Variants in HDAC4 observed in about 807,000 individuals in gnomAD.
HDAC4 encodes the protein histone deacetylase A.
HDAC4 carries 16 observed loss-of-function variants against 135.1 expected under a neutral mutation model. That is an observed-to-expected ratio of 0.12 (90% CI 0.08 to 0.18). The LOEUF is 0.18. HDAC4 is among the 10% of genes least tolerant of loss of function. The pLI, the probability that HDAC4 is intolerant of heterozygous loss-of-function variation, is 1.00. For synonymous variants in HDAC4, 685 were observed against 653.4 expected (o/e 1.05, Z -0.74); for missense variants, 1,143 against 1,511.8 (o/e 0.76, Z 4.05).
intron 1 of HDAC4, among the ~76,000 whole-genome samples, chr2:239,360,321 G>C (rs1305852510): frequency 1.3e-5 from 2 of 152,188 alleles, no homozygotes; most frequent in South Asian, 2.1e-4. Flanking sequence ...AGCCGCAAGG[G>C]GACCCGGAGA....
chr2:239,208,083 G>A (rs560749490), intron 3 of HDAC4, among the ~76,000 whole-genome samples: 1 of 151,950 alleles, frequency 6.6e-6, no homozygotes, highest in Non-Finnish European at 1.5e-5. Context: ...AGCACTTTGG[G>A]AGGCTGAGAC....
intron 2 of HDAC4, among the ~76,000 whole-genome samples, chr2:239,294,435 G>GA (rs1045509406): frequency 4.6e-5 from 7 of 151,720 alleles, no homozygotes; most frequent in African/African-American, 7.3e-5. Flanking sequence ...GGGCAGAGAT[G>GA]AAAAAAAAGA....
chr2:239,055,390 A>G (rs997692374), intron 24 of HDAC4: 3 of 178,356 alleles, frequency 1.7e-5, no homozygotes, highest in African/African-American at 7.2e-5. Flanking sequence ...ATGACAGGGC[A>G]ACAGGGCAAA....
chr2:239,111,566 C>A lies in HDAC4; in HGVS notation c.1938G>T (p.Val646=). ...GCTTGGTGGGGGGCTCCTGCACAGA[C>A]ACGGGGAAGGTGGCAGACGCGGGTG... ...QSSPASATFP[V]SVQEPPTKPR... The change falls in exon 14 of 27, where the codon GTG becomes GTT. Residue 646 remains valine (V), a synonymous_variant. Transcript: ENST00000543185. The A allele has an allele frequency of 6.2e-7, 1 of 1,612,458 alleles. No individual in the cohort carries two copies. The highest frequency in any genetic ancestry group is 8.5e-7 in the Non-Finnish European group (1 of 1,179,778).
rs752838010 is a variant in HDAC4, at chr2:239,309,438, A to C, written c.22+43240T>G. On this transcript the variant is annotated intron_variant, in intron 2 of 26. Coordinates refer to ENST00000543185, the MANE Select transcript of HDAC4 (RefSeq NM_001378414.1). The surrounding 1 kb of genome is among the most constrained non-coding windows in gnomAD (Gnocchi z 4.2). The stretch of plus-strand genomic sequence containing the variant: ...AGCACCTACAGCAAATGCCCAAGGA[A>C]GCAAGAAGCGGGACCCCGCCTTCTC... 6.6e-6 allele frequency among the ~76,000 whole-genome samples: 1 copy of C among 152,234 alleles called. No homozygotes were observed. Among genetic ancestry groups the C allele is most frequent in the Non-Finnish European group, 1.5e-5 (1 of 68,042 alleles).
intron 12 of HDAC4, among the ~76,000 whole-genome samples, chr2:239,125,356 C>G (rs1422641407): frequency 1.3e-5 from 2 of 152,208 alleles, no homozygotes; most frequent in Non-Finnish European, 2.9e-5. Context: ...TGCCCGCTCC[C>G]CCTTCGCCTA....
intron 3 of HDAC4, among the ~76,000 whole-genome samples, chr2:239,235,506 C>T (rs1287528882): frequency 6.6e-6 from 1 of 152,248 alleles, no homozygotes. Flanking sequence ...GGACGCAGTC[C>T]CTGCAAGGCC....
At chr2:239,062,352 C>T (rs1029606944) in intron 24 of HDAC4, among the ~76,000 whole-genome samples, 2 of 152,234 alleles carry the variant, frequency 1.3e-5, no homozygotes, top group Admixed American at 6.5e-5. Context: ...CTGGCGGCCC[C>T]GCCTGTGTGT....
intron 2 of HDAC4, among the ~76,000 whole-genome samples, chr2:239,246,283 T>C (rs965521301): frequency 6.6e-6 from 1 of 151,954 alleles, no homozygotes; most frequent in African/African-American, 2.4e-5. Flanking sequence ...CCAGGGAAAA[T>C]GTGGCAGTGG....
At chr2:239,122,261 T>C (rs2039759521) in intron 12 of HDAC4, among the ~76,000 whole-genome samples, 1 of 152,110 alleles carries the variant, frequency 6.6e-6, no homozygotes. Flanking sequence ...CCAGAAACCA[T>C]GGGAAGAACC....
chr2:239,048,600 A>G lies in HDAC4; in HGVS notation c.*4497T>C, dbSNP rs1202827286. The G allele has an allele frequency of 1.8e-5, 2 of 109,578 alleles. No individual in the cohort carries two copies. Among genetic ancestry groups the G allele is most frequent in the Non-Finnish European group, 4.2e-5 (2 of 47,832 alleles). 6.8% of individuals were successfully genotyped at this position (109,578 alleles called of 1,614,324 possible). A position where few individuals can be genotyped will look rare whatever the true frequency, so the allele number is the denominator to read the frequency against. On this transcript the variant is annotated 3_prime_UTR_variant, in exon 27 of 27. Coordinates refer to ENST00000543185, the MANE Select transcript of HDAC4 (RefSeq NM_001378414.1). ...AGATAGATAGATAGATAGATTATAT[A>G]TGTTTGTCATTCTCATCAATTGGAA...
chr2:239,148,980 T>C (rs1306423087), intron 7 of HDAC4, among the ~76,000 whole-genome samples: 1 of 152,230 alleles, frequency 6.6e-6, no homozygotes, highest in Non-Finnish European at 1.5e-5. Flanking sequence ...TGGACTCTGG[T>C]TCTGCTGTGA....
chr2:239,264,087 G>T (rs2049558538), intron 2 of HDAC4, among the ~76,000 whole-genome samples: 1 of 152,200 alleles, frequency 6.6e-6, no homozygotes, highest in Non-Finnish European at 1.5e-5. Flanking sequence ...CTGGAAAGGA[G>T]GGGGCTGACT....
intron 24 of HDAC4, among the ~76,000 whole-genome samples, chr2:239,059,118 A>G (rs552225753): frequency 6.6e-6 from 1 of 152,364 alleles, no homozygotes; most frequent in East Asian, 1.9e-4. Flanking sequence ...AAGAAATCAT[A>G]ACAGACATCA....
intron 2 of HDAC4, among the ~76,000 whole-genome samples, chr2:239,282,696 A>C (rs1238828794): frequency 1.4e-5 from 2 of 141,312 alleles, no homozygotes; most frequent in East Asian, 4.0e-4. Flanking sequence ...TACAATGTAC[A>C]CACCACTCTG....
intron 3 of HDAC4, among the ~76,000 whole-genome samples, chr2:239,203,627 T>TGTGGTGACTGCC (rs754773579): frequency 1.3e-5 from 2 of 151,910 alleles, no homozygotes; most frequent in Non-Finnish European, 2.9e-5. Flanking sequence ...AAAAGGAGGG[T>TGTGGTGACTGCC]GTGGTGACTG....
chr2:239,296,655 A>AAT (rs2051911968), intron 2 of HDAC4, among the ~76,000 whole-genome samples: 1 of 152,126 alleles, frequency 6.6e-6, no homozygotes, highest in Non-Finnish European at 1.5e-5. Context: ...TAAGTCACTA[A>AAT]ATAACAAACC....
chr2:239,221,410 G>A (rs1242316327), intron 3 of HDAC4, among the ~76,000 whole-genome samples: 1 of 152,150 alleles, frequency 6.6e-6, no homozygotes, highest in Non-Finnish European at 1.5e-5. Context: ...TACCCCACAG[G>A]GACTACTGAA....
At position 239,156,762 on chromosome 2, in the gene HDAC4, T is replaced by C; in HGVS notation, c.623A>G (p.His208Arg). 1 of 1,614,158 alleles carries C rather than the reference T, an allele frequency of 6.2e-7. No homozygotes were observed. Among genetic ancestry groups the C allele is most frequent in the Non-Finnish European group, 8.5e-7 (1 of 1,180,024 alleles). The change falls in exon 7 of 27, where the codon CAC becomes CGC. Residue 208 changes from histidine to arginine, a missense_variant. By Grantham distance (29) the His-to-Arg change is conservative. Around this residue, in one of 9 missense-constraint regions of HDAC4, gnomAD observed 247 missense variants for 310.0 expected, o/e 0.80. Transcript: ENST00000543185. ...TGGAGAACTCTGGTCAAGGGAACTGTGCTGCGTTTTCCTGGAGAGAAGGCA... is the reference window on the plus strand; with the variant it reads ...TGGAGAACTCTGGTCAAGGGAACTGCGCTGCGTTTTCCTGGAGAGAAGGCA... Reference protein sequence around the residue: ...DPRYWYGKTQHSSLDQSSPPQ... With the variant: ...DPRYWYGKTQRSSLDQSSPPQ...
Sources: gnomAD v4.1 joint callset for allele counts (sites outside exome capture counted in the v4.1 genomes callset) on GRCh38, gnomAD v4.1.1 for gene constraint, gnomAD v4.1.1 regional missense constraint, Gnocchi (gnomAD v3.1) non-coding constraint, MANE v1.5 for transcripts, NCBI Gene and HGNC (gene_info 2026-07-23, HGNC 2026-07-21) for gene names.